The following ITSN2 variants were observed in gnomAD, a reference collection of about 807,000 sequenced individuals.
ITSN2 encodes the protein intersectin 2.
In ITSN2, 156 loss-of-function variants were observed where a neutral mutation model predicts 243.7. The ratio of observed to expected loss-of-function variants is 0.64; its 90% CI spans 0.56 to 0.73. The LOEUF is 0.73. Ranked by LOEUF, ITSN2 falls within the 30% of genes least tolerant of loss-of-function variation. ITSN2 has a pLI of 0.00. For synonymous variants in ITSN2, 703 were observed against 699.9 expected, an observed-to-expected ratio of 1.00 and a Z score of -0.07; for missense variants, 1,801 against 1,996.1, an observed-to-expected ratio of 0.90 and a Z score of 1.86.
rs1316607920 is a variant in ITSN2 at position 24,258,017 on chromosome 2, G to C, written c.2759C>G (p.Ser920Ter). The C allele has an allele frequency of 1.2e-6, 2 of 1,614,002 alleles. No individual in the cohort carries two copies. Among genetic ancestry groups the C allele is most frequent in the Non-Finnish European group, 8.5e-7 (1 of 1,179,940 alleles). The change falls in exon 23 of 40, where the codon TCA becomes TGA. Residue 920 changes from serine (S) to a stop codon, truncating the protein, a stop_gained. Coordinates refer to ENST00000355123, the MANE Select transcript of ITSN2 (RefSeq NM_006277.3). LOFTEE classifies it high-confidence loss of function. ...TAKKDNHLNFSKHDIITVLEQ... is the reference protein window; with the variant it reads ...TAKKDNHLNF The stretch of plus-strand genomic sequence containing the variant: ...CAAGACAGTAATAATGTCATGTTTT[G>C]AGAAGTTCAAGTGGTTATCTTTCTT...
intron 7 of ITSN2, chr2:24,308,961 T>C (rs1682901762): frequency 1.8e-6 from 1 of 561,176 alleles, no homozygotes; most frequent in Non-Finnish European, 3.4e-6. Context: ...TCCTGTCCAG[T>C]GAGCAGTGGC....
chr2:24,247,987 C>T (rs555263057), intron 27 of ITSN2, among the ~76,000 whole-genome samples: 2 of 152,228 alleles, frequency 1.3e-5, no homozygotes, highest in East Asian at 3.9e-4. Flanking sequence ...TATGTTTATC[C>T]TCCATACTAC....
rs560201315 is a variant in ITSN2 at position 24,229,326 on chromosome 2, C to G, written c.3578-8260G>C. On this transcript the variant is annotated intron_variant, in intron 29 of 39. Coordinates refer to ENST00000355123, the MANE Select transcript of ITSN2 (RefSeq NM_006277.3). ...CAGGCTGGGCGTGCTGGCTCACTCA[C>G]GCCTGTAATCCCAGCACTTTGGGAG... 3.1e-3 allele frequency among the ~76,000 whole-genome samples: 469 copies of G among 152,238 alleles called. 2 individuals are homozygous for G. The highest frequency in any genetic ancestry group is 0.011 in the African/African-American group (449 of 41,538).
Position 24,252,517 on chromosome 2 carries a change from G to A in ITSN2, c.2954-6C>T. 1 of 1,597,040 alleles carries A rather than the reference G, an allele frequency of 6.3e-7. No individual in the cohort carries two copies. The highest frequency in any genetic ancestry group is 8.5e-7 in the Non-Finnish European group (1 of 1,170,168). ...TGGATAAAGTGCAATATATTCTGTA[G>A]GGAACAAAGCAAAAAGAAGTAGATT... On this transcript the variant is annotated splice_polypyrimidine_tract_variant and splice_region_variant and intron_variant, in intron 24 of 39. Transcript: ENST00000355123.
In ITSN2 at chr2:24,286,225, T is replaced by C; in HGVS notation, c.1850A>G (p.Asn617Ser). 3 of 1,587,482 alleles carry C rather than the reference T, an allele frequency of 1.9e-6. No individual in the cohort carries two copies. Among genetic ancestry groups the C allele is most frequent in the Non-Finnish European group, 2.6e-6 (3 of 1,162,636 alleles). ...ASKLSEMDSF[N>S]NQLKCGNMDD... ...AAAAATAAATACCTTTAGTTGATTG[T>C]TAAAAGAATCCATTTCTGACAGCTT... Residue 617 changes from asparagine (N) to serine (S), a missense_variant, in exon 16 of 40, where the codon AAC becomes AGC. Physicochemically the swap from Asn to Ser is conservative, Grantham distance 46 (BLOSUM62 1). Coordinates refer to ENST00000355123, the MANE Select transcript of ITSN2 (RefSeq NM_006277.3).
At chr2:24,353,717 A>G (rs775424435) in intron 1 of ITSN2, among the ~76,000 whole-genome samples, 2 of 152,260 alleles carry the variant, frequency 1.3e-5, no homozygotes, top group African/African-American at 4.8e-5. Flanking sequence ...GTGAAAACAT[A>G]TATCAAGAGT....
intron 34 of ITSN2, 102 bp downstream of exon 34, chr2:24,210,678 A>T: frequency 9.5e-7 from 1 of 1,052,004 alleles, no homozygotes; most frequent in Non-Finnish European, 1.4e-6. Context: ...GAGTCCACGC[A>T]GGCTGCCTAA....
intron 17 of ITSN2, among the ~76,000 whole-genome samples, chr2:24,279,134 A>C (rs1365436013): frequency 6.6e-6 from 1 of 152,232 alleles, no homozygotes; most frequent in African/African-American, 2.4e-5. Flanking sequence ...TTTATATAGT[A>C]AATTACATTA....
intron 17 of ITSN2, among the ~76,000 whole-genome samples, chr2:24,276,418 T>C (rs1003174717): frequency 6.6e-6 from 1 of 152,220 alleles, no homozygotes; most frequent in Non-Finnish European, 1.5e-5. Context: ...TCTAGTTGTA[T>C]GCTAAGTGCT....
chr2:24,292,239 A>G (rs1007712051), intron 15 of ITSN2, among the ~76,000 whole-genome samples: 2 of 152,222 alleles, frequency 1.3e-5, no homozygotes, highest in African/African-American at 2.4e-5. Flanking sequence ...GCACTGAATT[A>G]CATTCCACAG....
Position 24,225,846 on chromosome 2 carries a change from G to C in ITSN2, c.3578-4780C>G, listed in dbSNP as rs1573920694. Among the ~76,000 whole-genome samples, 1 of 152,246 alleles carries C rather than the reference G, an allele frequency of 6.6e-6. No homozygotes were observed. Among genetic ancestry groups the C allele is most frequent in the South Asian group, 2.1e-4 (1 of 4,818 alleles). On this transcript the variant is annotated intron_variant, in intron 29 of 39. Transcript: ENST00000355123. The surrounding 1 kb of genome is among the most constrained non-coding windows in gnomAD (Gnocchi z 4.2). ...TCCTCTTTTTTTGAGAGGAGGGAGG[G>C]TAACATCTTTTTTGTCCTGAGAAAA...
At chr2:24,205,392 C>A (rs1668763712) in intron 37 of ITSN2, 95 bp from the exon 38 acceptor site, 1 of 1,016,700 alleles carries the variant, frequency 9.8e-7, no homozygotes, top group Non-Finnish European at 1.5e-6. Flanking sequence ...TCCCTGTCCC[C>A]ATCTGCCACT....
intron 15 of ITSN2, among the ~76,000 whole-genome samples, chr2:24,288,287 T>C (rs919915316): frequency 7.9e-5 from 12 of 152,130 alleles, no homozygotes; most frequent in African/African-American, 2.7e-4. Flanking sequence ...TTTCCCATTG[T>C]GTCTTCTTGA....
intron 15 of ITSN2, among the ~76,000 whole-genome samples, chr2:24,292,688 G>A (rs1680415345): frequency 6.6e-6 from 1 of 152,170 alleles, no homozygotes; most frequent in Admixed American, 6.5e-5. Context: ...TCACTCTCTA[G>A]AGACTTAACT....
At chr2:24,226,891 C>T (rs550733937) in intron 29 of ITSN2, among the ~76,000 whole-genome samples, 1 of 152,058 alleles carries the variant, frequency 6.6e-6, no homozygotes, top group Non-Finnish European at 1.5e-5. Flanking sequence ...CCCAGGTAGC[C>T]TCCTCTGTTA....
chr2:24,314,384 T>C (rs1052505246), intron 3 of ITSN2, among the ~76,000 whole-genome samples: 16 of 152,166 alleles, frequency 1.1e-4, no homozygotes, highest in African/African-American at 3.9e-4. Context: ...GATTCCAAAA[T>C]CAGCCCAAAT....
chr2:24,330,405 C>A (rs762248975), intron 1 of ITSN2: 1 of 595,438 alleles, frequency 1.7e-6, no homozygotes, highest in Non-Finnish European at 3.2e-6. Context: ...CACCACCATG[C>A]CCAAGAGAAA....
chr2:24,301,920 G>C, intron 10 of ITSN2, 45 bp downstream of exon 10: 1 of 1,543,482 alleles, frequency 6.5e-7, no homozygotes, highest in Non-Finnish European at 8.8e-7. Flanking sequence ...AATCACATCT[G>C]CCAAGTTATC....
Position 24,312,391 on chromosome 2 carries a change from G to A in ITSN2, c.189-16C>T, listed in dbSNP as rs1243719272. On this transcript the variant is annotated splice_polypyrimidine_tract_variant and intron_variant, in intron 4 of 39. Transcript: ENST00000355123. ...TGATAAAGCCCTAAAAGGAGCATGA[G>A]GTAGGTAGATTGCTATGTGGTGTGG... is the stretch of plus-strand genomic sequence containing the variant. 1.3e-6 allele frequency: 2 copies of A among 1,581,054 alleles called. No individual in the cohort carries two copies. The highest frequency in any genetic ancestry group is 3.6e-5 in the Admixed American group (2 of 56,282).
Sources: allele counts gnomAD v4.1 joint callset (sites outside exome capture counted in the v4.1 genomes callset), GRCh38; gene constraint gnomAD v4.1.1; non-coding constraint Gnocchi (gnomAD v3.1); transcripts MANE v1.5; gene names NCBI Gene and HGNC (gene_info 2026-07-23, HGNC 2026-07-21).